The following ARHGAP19 variants were observed in gnomAD, a reference collection of about 807,000 sequenced individuals.
ARHGAP19 encodes Rho GTPase activating protein 19.
A neutral mutation model predicts 60.9 loss-of-function variants in ARHGAP19; 48 were observed. The observed-to-expected ratio is 0.79, with a 90% confidence interval of 0.62 to 1.00. ARHGAP19 has a LOEUF of 1.00. Among genes scored for constraint, ARHGAP19 ranks in the 50% least tolerant of loss-of-function variants. The probability of loss-of-function intolerance (pLI) is 0.00; values close to 1 mark genes in which losing one functional copy is unlikely to be tolerated. For synonymous variants in ARHGAP19, 209 were observed against 215.5 expected, an observed-to-expected ratio of 0.97 and a Z score of 0.27; for missense variants, 562 against 597.2, an observed-to-expected ratio of 0.94 and a Z score of 0.61.
chr10:97,290,216 T>C (rs1263927393), intron 1 of ARHGAP19, among the ~76,000 whole-genome samples: 2 of 152,182 alleles, frequency 1.3e-5, no homozygotes, highest in African/African-American at 4.8e-5. Flanking sequence ...GAGCTTTTGC[T>C]CGCCCTCTAC....
At chr10:97,268,468 T>C (rs1008822461) in intron 1 of ARHGAP19, among the ~76,000 whole-genome samples, 6 of 152,212 alleles carry the variant, frequency 3.9e-5, no homozygotes, top group African/African-American at 1.4e-4. Flanking sequence ...TTTACTGTAT[T>C]AGTCTGTTCT....
At chr10:97,239,855 G>C (rs1214199451) in intron 8 of ARHGAP19, among the ~76,000 whole-genome samples, 1 of 151,610 alleles carries the variant, frequency 6.6e-6, no homozygotes, top group Non-Finnish European at 1.5e-5. Flanking sequence ...TTACAGGCCT[G>C]AGCCACCATG....
intron 1 of ARHGAP19, among the ~76,000 whole-genome samples, chr10:97,282,635 T>C (rs927535754): frequency 2.0e-5 from 3 of 152,286 alleles, no homozygotes; most frequent in Non-Finnish European, 4.4e-5. Context: ...GCCATGGCCA[T>C]GCCATCTCCA....
intron 8 of ARHGAP19, among the ~76,000 whole-genome samples, chr10:97,241,766 T>TCGAGG (rs1842486386): frequency 6.6e-6 from 1 of 151,194 alleles, no homozygotes; most frequent in Non-Finnish European, 1.5e-5. Context: ...TCCCAGCACT[T>TCGAGG]TGGGAGGCCG....
chr10:97,229,965 G>T, intron 9 of ARHGAP19, 91 bp from the exon 10 acceptor site: 2 of 940,348 alleles, frequency 2.1e-6, no homozygotes, highest in Non-Finnish European at 3.2e-6. Flanking sequence ...ATGTCCTTGG[G>T]TTAAAAAAAT....
At chr10:97,254,480 C>T (rs1276903636) in intron 6 of ARHGAP19, among the ~76,000 whole-genome samples, 5 of 152,172 alleles carry the variant, frequency 3.3e-5, no homozygotes, top group East Asian at 3.9e-4. Context: ...CATGAAACCA[C>T]ATGCAAAAGA....
chr10:97,223,988 A>G lies in ARHGAP19; in HGVS notation c.*2134T>C, dbSNP rs1437376621. Reference sequence around the variant, plus strand: ...AGACCAGCTATATAAAGGCATGTGCATGTGATAAATATCTCTCTCATGATC... The same window carrying G: ...AGACCAGCTATATAAAGGCATGTGCGTGTGATAAATATCTCTCTCATGATC... On this transcript the variant is annotated 3_prime_UTR_variant, in exon 12 of 12. Coordinates refer to ENST00000358531, the MANE Select transcript of ARHGAP19 (RefSeq NM_032900.6). 1 of 152,256 alleles carries G rather than the reference A, an allele frequency of 6.6e-6. No individual in the cohort carries two copies. The highest frequency in any genetic ancestry group is 1.5e-5 in the Non-Finnish European group (1 of 68,048). 9.4% of individuals were successfully genotyped at this position (152,256 alleles called of 1,614,324 possible). A position where few individuals can be genotyped will look rare whatever the true frequency, so the allele number is the denominator to read the frequency against.
chr10:97,283,859 A>T (rs1843119876), intron 1 of ARHGAP19, among the ~76,000 whole-genome samples: 1 of 149,956 alleles, frequency 6.7e-6, no homozygotes, highest in Admixed American at 6.7e-5. Flanking sequence ...AACTGTCTCA[A>T]TATTAATAAT....
intron 7 of ARHGAP19, among the ~76,000 whole-genome samples, chr10:97,245,499 T>C (rs2134842463): frequency 6.7e-6 from 1 of 149,944 alleles, no homozygotes; most frequent in South Asian, 2.1e-4. Flanking sequence ...TGCATGCCTG[T>C]AGTCCCCAGC....
intron 1 of ARHGAP19, among the ~76,000 whole-genome samples, chr10:97,288,105 A>C (rs1843179262): frequency 6.6e-6 from 1 of 152,214 alleles, no homozygotes; most frequent in South Asian, 2.1e-4. Context: ...AAGAAGTTAA[A>C]GCATTTGTAA....
At chr10:97,239,884 T>G (rs1160949531) in intron 8 of ARHGAP19, among the ~76,000 whole-genome samples, 4 of 151,772 alleles carry the variant, frequency 2.6e-5, no homozygotes. Context: ...ATTTTGTATT[T>G]TTAGTAGAGA....
intron 6 of ARHGAP19, among the ~76,000 whole-genome samples, chr10:97,246,838 C>T (rs1370136187): frequency 4.0e-5 from 6 of 151,396 alleles, no homozygotes; most frequent in African/African-American, 1.2e-4. Flanking sequence ...CCCAACTCTA[C>T]AAAAAATTAC....
chr10:97,272,510 G>A (rs985034168), intron 1 of ARHGAP19, among the ~76,000 whole-genome samples: 2 of 152,078 alleles, frequency 1.3e-5, no homozygotes, highest in African/African-American at 4.8e-5. Context: ...GGCAGATGAA[G>A]CCATCTGAAC....
Position 97,229,756 on chromosome 10 carries a change from T to C in ARHGAP19, c.1395+8A>G. The C allele has an allele frequency of 6.4e-7, 1 of 1,553,450 alleles. No individual in the cohort carries two copies. Among genetic ancestry groups the C allele is most frequent in the South Asian group, 1.1e-5 (1 of 88,810 alleles). Reference sequence around the variant, plus strand: ...GACAGACAGACAGTCCAAAGAACAGTGTCTTACTAAGTTCCTATTTTCTTT... The same window carrying C: ...GACAGACAGACAGTCCAAAGAACAGCGTCTTACTAAGTTCCTATTTTCTTT... On this transcript the variant is annotated splice_region_variant and intron_variant, in intron 10 of 11. Transcript: ENST00000358531.
chr10:97,228,293 C>A (rs1225312701), intron 11 of ARHGAP19, among the ~76,000 whole-genome samples: 1 of 152,198 alleles, frequency 6.6e-6, no homozygotes, highest in African/African-American at 2.4e-5. Flanking sequence ...AAACCAGACT[C>A]ACTTCAGCTG....
At chr10:97,262,082 C>A (rs369562543) in intron 4 of ARHGAP19, among the ~76,000 whole-genome samples, 1 of 151,650 alleles carries the variant, frequency 6.6e-6, no homozygotes. Context: ...CTGGGGGCTG[C>A]GGCTCATGCC....
At chr10:97,245,061 A>G (rs1842543896) in intron 7 of ARHGAP19, among the ~76,000 whole-genome samples, 1 of 152,034 alleles carries the variant, frequency 6.6e-6, no homozygotes, top group African/African-American at 2.4e-5. Context: ...ACTGGAGTAC[A>G]GTGTCACCAT....
chr10:97,235,189 G>T, intron 9 of ARHGAP19, 28 bp downstream of exon 9: 1 of 1,546,638 alleles, frequency 6.5e-7, no homozygotes, highest in Non-Finnish European at 8.8e-7. Flanking sequence ...AAAAATCAAT[G>T]CTGAAAACGA....
intron 8 of ARHGAP19, among the ~76,000 whole-genome samples, chr10:97,240,932 ACTTCTGCGGGTTTCAAT>A (rs1011711590): frequency 1.1e-4 from 17 of 152,326 alleles, no homozygotes; most frequent in African/African-American, 4.1e-4. Flanking sequence ...TTCTTTACAC[ACTTCTGCGGGTTTCAAT>A]GTTTCTATAG....
Sources: allele counts gnomAD v4.1 joint callset (sites outside exome capture counted in the v4.1 genomes callset), GRCh38; gene constraint gnomAD v4.1.1; transcripts MANE v1.5; gene names NCBI Gene and HGNC (gene_info 2026-07-23, HGNC 2026-07-21).